Variants in IGSF5 observed in about 807,000 individuals in gnomAD.
IGSF5 encodes the protein immunoglobulin superfamily member 5.
Under a neutral mutation model 39.4 loss-of-function variants are expected in IGSF5, and 41 were observed. That is an observed-to-expected ratio of 1.04 (90% CI 0.81 to 1.35). The LOEUF (loss-of-function observed/expected upper bound fraction) is 1.35, where lower values mean the gene tolerates loss of function less well. IGSF5 is among the 40% of genes most tolerant of loss of function. The pLI is 0.00. For synonymous variants in IGSF5, 183 were observed against 175.3 expected, an observed-to-expected ratio of 1.04 and a Z score of -0.34; for missense variants, 487 against 494.6, an observed-to-expected ratio of 0.98 and a Z score of 0.15.
At chr21:39,717,989 A>G in the IGSF5 span, among the ~76,000 whole-genome samples, 2 of 151,996 alleles carry the variant, frequency 1.3e-5, no homozygotes, top group African/African-American at 4.8e-5. Flanking sequence ...GTGTTTTTCC[A>G]TTTGTTTGTG....
rs1649733413 is a variant in IGSF5 at position 39,788,252 on chromosome 21, TAAC to T, written c.956+70_956+72del. 6.8e-6 allele frequency: 8 copies of T among 1,176,636 alleles called. No homozygotes were observed. In the African/African-American group the frequency reaches 7.6e-5, roughly 11 times the overall value. 72.9% of individuals were successfully genotyped at this position (1,176,636 alleles called of 1,614,324 possible). On this transcript the variant is annotated intron_variant, in intron 6 of 8. Transcript: ENST00000380588. The stretch of plus-strand genomic sequence containing the variant: ...AAAAAAAATTGAACAACAACAATAA[TAAC>T]AACAATACGTACACACAACTGCGGG...
intron 5 of IGSF5, 36 bp downstream of exon 5, chr21:39,779,341 C>T (rs746880293): frequency 1.1e-5 from 18 of 1,596,238 alleles, no homozygotes; most frequent in Non-Finnish European, 1.5e-5. Flanking sequence ...GTACATACTT[C>T]TGAACTTTTG....
intron 3 of IGSF5, among the ~76,000 whole-genome samples, chr21:39,770,013 C>G (rs2080106182): frequency 6.6e-6 from 1 of 151,342 alleles, no homozygotes; most frequent in Non-Finnish European, 1.5e-5. Context: ...AGTGACTTGC[C>G]CAAAGTGATG....
chr21:39,766,310 C>T (rs2080087329), intron 3 of IGSF5, among the ~76,000 whole-genome samples: 1 of 152,124 alleles, frequency 6.6e-6, no homozygotes. Context: ...ATTTAACAGC[C>T]TTTCTGGAAA....
intron 2 of IGSF5, among the ~76,000 whole-genome samples, chr21:39,752,351 T>A: frequency 1.3e-5 from 2 of 152,310 alleles, no homozygotes; most frequent in South Asian, 4.2e-4. Flanking sequence ...TTATTCCTTT[T>A]TTTTTATGAC....
At position 39,774,648 on chromosome 21, in the gene IGSF5, T is replaced by A. The variant is rs185057326; in HGVS notation, c.718+3433T>A. Among the ~76,000 whole-genome samples the A allele has an allele frequency of 1.2e-3, 184 of 152,364 alleles. 1 individual carries two copies. The highest frequency in any genetic ancestry group is 3.8e-3 in the African/African-American group (159 of 41,590). ...ACTGGAGAGTGAGGCCGTCTCACCC[T>A]GTCTTGGGAGAAGCACTGTCAGAGC... On this transcript the variant is annotated intron_variant, in intron 4 of 8. Transcript: ENST00000380588.
chr21:39,757,664 C>T (rs2146275123), intron 2 of IGSF5, among the ~76,000 whole-genome samples: 1 of 151,798 alleles, frequency 6.6e-6, no homozygotes, highest in Non-Finnish European at 1.5e-5. Flanking sequence ...GCAACCTGCG[C>T]CTCCCGGGTT....
intron 2 of IGSF5, among the ~76,000 whole-genome samples, chr21:39,759,866 C>CAAA (rs1307376560): frequency 3.3e-5 from 2 of 61,498 alleles, no homozygotes; most frequent in Non-Finnish European, 3.5e-5. Flanking sequence ...GACTCCGTCT[C>CAAA]AAAAAAAAAA....
At chr21:39,716,967 A>G in the IGSF5 span, among the ~76,000 whole-genome samples, 4 of 152,180 alleles carry the variant, frequency 2.6e-5, no homozygotes, top group African/African-American at 9.7e-5. Context: ...TCCCACTAAC[A>G]GTGTATAAGA....
At chr21:39,736,050 C>G in the IGSF5 span, among the ~76,000 whole-genome samples, 1 of 152,176 alleles carries the variant, frequency 6.6e-6, no homozygotes. Flanking sequence ...ACCCCTCACT[C>G]TCACTTCCTT....
intron 4 of IGSF5, among the ~76,000 whole-genome samples, chr21:39,775,490 T>G (rs1460913513): frequency 6.6e-6 from 1 of 152,240 alleles, no homozygotes; most frequent in Non-Finnish European, 1.5e-5. Context: ...TTAATCCATT[T>G]GGTTTTAAGA....
intron 7 of IGSF5, among the ~76,000 whole-genome samples, chr21:39,792,901 C>T (rs968272387): frequency 6.6e-6 from 1 of 152,172 alleles, no homozygotes; most frequent in African/African-American, 2.4e-5. Flanking sequence ...TCACAGGCTG[C>T]TGGGAACACC....
chr21:39,751,886 A>C (rs904168222), intron 2 of IGSF5, among the ~76,000 whole-genome samples: 2 of 152,156 alleles, frequency 1.3e-5, no homozygotes, highest in Non-Finnish European at 2.9e-5. Context: ...TGAATGCAAG[A>C]TGCTCAGAGC....
At chr21:39,797,369 C>T (rs1373542524) in intron 8 of IGSF5, among the ~76,000 whole-genome samples, 1 of 152,032 alleles carries the variant, frequency 6.6e-6, no homozygotes, top group Non-Finnish European at 1.5e-5. Context: ...TAGGCGTCTG[C>T]CACCATGCCC....
At chr21:39,774,227 T>C (rs2080128785) in intron 4 of IGSF5, among the ~76,000 whole-genome samples, 1 of 152,186 alleles carries the variant, frequency 6.6e-6, no homozygotes, top group African/African-American at 2.4e-5. Context: ...ATTGCAGCCT[T>C]GGTTGGCGGA....
At chr21:39,747,187 C>A (rs147169840) in intron 2 of IGSF5, among the ~76,000 whole-genome samples, 15,093 of 152,200 alleles carry the variant, frequency 0.099, 2,439 homozygotes, top group African/African-American at 0.34. Flanking sequence ...ACAATCATGG[C>A]CGAAGGTGAA....
intron 8 of IGSF5, among the ~76,000 whole-genome samples, chr21:39,799,344 G>A (rs140852257): frequency 2.2e-4 from 34 of 152,314 alleles, no homozygotes; most frequent in African/African-American, 8.2e-4. Flanking sequence ...TGCTGGCGTA[G>A]CAGCAGCTCT....
chr21:39,788,104 T>G, intron 5 of IGSF5, 63 bp from the exon 6 acceptor site: 4 of 1,310,426 alleles, frequency 3.1e-6, no homozygotes, highest in Non-Finnish European at 4.3e-6. Flanking sequence ...TAAAAATTAA[T>G]GAGACTCGAT....
the IGSF5 span, chr21:39,725,906 G>C: frequency 6.6e-6 from 1 of 152,188 alleles, no homozygotes; most frequent in Non-Finnish European, 1.5e-5. Flanking sequence ...TCAGAGGCTG[G>C]ACTGGAAGAT....
Sources: allele counts gnomAD v4.1 joint callset (sites outside exome capture counted in the v4.1 genomes callset), GRCh38; gene constraint gnomAD v4.1.1; transcripts MANE v1.5; gene names NCBI Gene and HGNC (gene_info 2026-07-23, HGNC 2026-07-21).